SYN3: variants seen among roughly 807,000 people sequenced by gnomAD.
The protein encoded by SYN3 is synapsin III.
Under a neutral mutation model 65.8 loss-of-function variants are expected in SYN3, and 35 were observed. That is an observed-to-expected ratio of 0.53 (90% confidence interval 0.41 to 0.70). The LOEUF (loss-of-function observed/expected upper bound fraction) is 0.70. SYN3 is among the 30% of genes least tolerant of loss of function. SYN3 has a pLI of 0.00. For synonymous variants in SYN3, 270 were observed against 292.9 expected, an observed-to-expected ratio of 0.92 and a Z score of 0.80; for missense variants, 680 against 749.0, an observed-to-expected ratio of 0.91 and a Z score of 1.08.
At position 32,594,054 on chromosome 22, in the gene SYN3, C is replaced by T. The variant is rs528374501; in HGVS notation, c.774+2620G>A. 1.1e-4 allele frequency among the ~76,000 whole-genome samples: 17 copies of T among 152,046 alleles called. 1 individual carries two copies. Among genetic ancestry groups the T allele is most frequent in the African/African-American group, 2.4e-4 (10 of 41,480 alleles). The stretch of plus-strand genomic sequence containing the variant: ...AAGTGCCTGCTGAATTAGCAACAGA[C>T]GATCATTGGAGACCACTGAGAGGAC... On this transcript the variant is annotated intron_variant, in intron 7 of 13. Coordinates refer to ENST00000358763, the MANE Select transcript of SYN3 (RefSeq NM_003490.4).
chr22:32,942,329 C>A (rs2050966469), intron 3 of SYN3, among the ~76,000 whole-genome samples: 1 of 152,238 alleles, frequency 6.6e-6, no homozygotes, highest in African/African-American at 2.4e-5. Context: ...GATACCCAGG[C>A]AAACAAGGTC....
In SYN3 at chr22:33,025,634, G is replaced by GA. The variant is rs34210309; in HGVS notation, c.-162-18811dup. Among the ~76,000 whole-genome samples, 126 of 142,796 alleles carry GA rather than the reference G, an allele frequency of 8.8e-4. 1 individual carries two copies. The highest frequency in any genetic ancestry group is 1.6e-3 in the East Asian group (7 of 4,512). The allele number at this position is 142,796 out of a possible 152,430, so 93.7% of individuals were successfully genotyped here. On this transcript the variant is annotated intron_variant, in intron 1 of 13. Coordinates refer to ENST00000358763, the MANE Select transcript of SYN3 (RefSeq NM_003490.4). ...GGGTGACAGAGCAACACTCCGTCTG[G>GA]AAAAAAAAAAAAAAAAGATTTCATC...
At chr22:32,857,439 G>T (rs1205922221) in intron 6 of SYN3, 3 of 1,049,722 alleles carry the variant, frequency 2.9e-6, no homozygotes, top group Non-Finnish European at 4.5e-6. Flanking sequence ...CACATACGGA[G>T]TAGTTGACTC....
At chr22:32,682,796 G>A (rs2060541352) in intron 6 of SYN3, among the ~76,000 whole-genome samples, 1 of 152,144 alleles carries the variant, frequency 6.6e-6, no homozygotes, top group South Asian at 2.1e-4. Context: ...ACTGCAGGTA[G>A]GCACATGCCC....
intron 6 of SYN3, among the ~76,000 whole-genome samples, chr22:32,610,010 T>C (rs1020480314): frequency 1.3e-5 from 2 of 151,928 alleles, no homozygotes; most frequent in African/African-American, 4.8e-5. Flanking sequence ...AGACCAGGTG[T>C]GGTGGCTCAC....
Position 33,006,481 on chromosome 22 carries a change from C to T in SYN3, c.182G>A (p.Ser61Asn), listed in dbSNP as rs757083156. 2.1e-5 allele frequency: 34 copies of T among 1,614,026 alleles called. No homozygotes were observed. Residue 61 changes from serine to asparagine, a missense_variant, in exon 2 of 14, where the codon AGC becomes AAC. By Grantham distance (46) the Ser-to-Asn change is conservative. Transcript: ENST00000358763. ...CTGCTTCATGGCACTGGAGAGGGAG[C>T]TAAAAAGGCTGGATCCTGGAGAGGA... ...SFSSPGSSLF[S>N]SLSSAMKQAP...
chr22:32,732,739 C>A (rs1264251534), intron 6 of SYN3, among the ~76,000 whole-genome samples: 1 of 152,198 alleles, frequency 6.6e-6, no homozygotes, highest in African/African-American at 2.4e-5. Context: ...CTTAAGGTTC[C>A]TGAAGGTGGG....
chr22:32,825,072 C>T (rs986172688), intron 6 of SYN3, among the ~76,000 whole-genome samples: 1 of 152,040 alleles, frequency 6.6e-6, no homozygotes, highest in Non-Finnish European at 1.5e-5. Context: ...GGACAGGACT[C>T]AGGCAGATAG....
chr22:32,604,775 G>A (rs548347573), intron 6 of SYN3, among the ~76,000 whole-genome samples: 9 of 152,234 alleles, frequency 5.9e-5, no homozygotes, highest in African/African-American at 2.2e-4. Flanking sequence ...GGAGGCTGAG[G>A]CGGGCAGATG....
intron 2 of SYN3, among the ~76,000 whole-genome samples, chr22:32,989,285 C>T (rs1053983394): frequency 2.0e-5 from 3 of 152,146 alleles, no homozygotes; most frequent in African/African-American, 7.2e-5. Context: ...ATGAATGATA[C>T]CCCTGACACA....
At chr22:32,684,375 C>T (rs2060562913) in intron 6 of SYN3, among the ~76,000 whole-genome samples, 1 of 152,300 alleles carries the variant, frequency 6.6e-6, no homozygotes, top group African/African-American at 2.4e-5. Flanking sequence ...CTAGATCCAG[C>T]TGTGCCTGAA....
At chr22:32,913,780 G>C (rs2050118454) in intron 4 of SYN3, among the ~76,000 whole-genome samples, 1 of 152,244 alleles carries the variant, frequency 6.6e-6, no homozygotes, top group Admixed American at 6.5e-5. Context: ...GGACACAAGA[G>C]CTCTTTGTGC....
chr22:32,795,717 T>G (rs905555874), intron 6 of SYN3, among the ~76,000 whole-genome samples: 1 of 152,108 alleles, frequency 6.6e-6, no homozygotes. Flanking sequence ...AGGAAGAACC[T>G]GAGGAGTCTG....
intron 2 of SYN3, among the ~76,000 whole-genome samples, chr22:32,981,765 T>C (rs2052381452): frequency 6.6e-6 from 1 of 152,152 alleles, no homozygotes; most frequent in South Asian, 2.1e-4. Context: ...CCCATAAATA[T>C]GTAAATTATT....
intron 6 of SYN3, among the ~76,000 whole-genome samples, chr22:32,713,479 A>G (rs1264727942): frequency 6.6e-6 from 1 of 152,178 alleles, no homozygotes; most frequent in Non-Finnish European, 1.5e-5. Flanking sequence ...GGGTCATTTT[A>G]ACTATCCTTG....
chr22:32,665,704 A>G (rs1003167814), intron 6 of SYN3, among the ~76,000 whole-genome samples: 16 of 152,052 alleles, frequency 1.1e-4, no homozygotes, highest in African/African-American at 3.9e-4. Flanking sequence ...AGTCGCCATC[A>G]CAGATTCCCC....
chr22:32,527,910 G>T lies in SYN3; in HGVS notation c.1318+8C>A. On this transcript the variant is annotated splice_region_variant and intron_variant, in intron 12 of 13. Coordinates refer to ENST00000358763, the MANE Select transcript of SYN3 (RefSeq NM_003490.4). ...TGCTTTCTTGCAGTGGCTCGTCCTG[G>T]GTCATACCTTGCGGAGGTGGGCGTG... is the stretch of plus-strand genomic sequence containing the variant. The T allele has an allele frequency of 1.9e-6, 3 of 1,583,792 alleles. No individual in the cohort carries two copies. The highest frequency in any genetic ancestry group is 2.6e-6 in the Non-Finnish European group (3 of 1,163,752).
At chr22:32,894,217 C>T (rs2049528576) in intron 4 of SYN3, among the ~76,000 whole-genome samples, 2 of 152,204 alleles carry the variant, frequency 1.3e-5, no homozygotes, top group Non-Finnish European at 2.9e-5. Context: ...GTAAAGGCTT[C>T]AGTCACCAAA....
intron 6 of SYN3, among the ~76,000 whole-genome samples, chr22:32,649,824 G>C (rs1023132911): frequency 6.6e-6 from 1 of 152,304 alleles, no homozygotes. Flanking sequence ...TTAGTAGACA[G>C]GGCTGGGCCA....
Sources: gnomAD v4.1 joint callset for allele counts (sites outside exome capture counted in the v4.1 genomes callset) on GRCh38, gnomAD v4.1.1 for gene constraint, MANE v1.5 for transcripts, NCBI Gene and HGNC (gene_info 2026-07-23, HGNC 2026-07-21) for gene names.